The following CLCA1 variants were observed in gnomAD, a reference collection of about 807,000 sequenced individuals.
The protein encoded by CLCA1 is calcium-activated chloride channel regulator 1.
Under a neutral mutation model 85.6 loss-of-function variants are expected in CLCA1, and 59 were observed. The observed-to-expected ratio is 0.69, with a 90% CI of 0.56 to 0.86. The LOEUF is 0.86. Ranked by LOEUF, CLCA1 falls within the 40% of genes least tolerant of loss-of-function variation. The pLI is 0.00. For synonymous variants in CLCA1, 396 were observed against 398.3 expected (o/e 0.99, Z 0.07); for missense variants, 1,022 against 1,101.4 (o/e 0.93, Z 1.02).
At chr1:86,480,025 A>T (rs1647775755) in intron 4 of CLCA1, among the ~76,000 whole-genome samples, 1 of 152,214 alleles carries the variant, frequency 6.6e-6, no homozygotes, top group African/African-American at 2.4e-5. Context: ...TGTGGGGAAA[A>T]AATTAACAGA....
intron 4 of CLCA1, among the ~76,000 whole-genome samples, chr1:86,479,456 C>T (rs992021777): frequency 1.3e-5 from 2 of 152,198 alleles, no homozygotes; most frequent in South Asian, 2.1e-4. Context: ...ATCAAAAGTA[C>T]ATCAATTTTT....
intron 12 of CLCA1, among the ~76,000 whole-genome samples, chr1:86,497,641 AACCCT>A (rs1289478772): frequency 2.6e-5 from 4 of 152,220 alleles, no homozygotes; most frequent in Non-Finnish European, 5.9e-5. Context: ...AAAATTTTGG[AACCCT>A]AACATAAAAC....
intron 7 of CLCA1, among the ~76,000 whole-genome samples, chr1:86,487,880 A>G (rs1648024004): frequency 6.6e-6 from 1 of 152,174 alleles, no homozygotes; most frequent in African/African-American, 2.4e-5. Context: ...TTTCCATGAC[A>G]CACAGCAGTT....
intron 4 of CLCA1, among the ~76,000 whole-genome samples, chr1:86,477,508 A>C (rs921685511): frequency 3.9e-5 from 6 of 152,368 alleles, no homozygotes; most frequent in East Asian, 1.9e-4. Context: ...GCTTTAGTGC[A>C]AACAGAAGTG....
At chr1:86,473,966 T>C in intron 3 of CLCA1, 90 bp downstream of exon 3, 1 of 884,986 alleles carries the variant, frequency 1.1e-6, no homozygotes, top group South Asian at 3.5e-5. Flanking sequence ...TGAGTAAGCA[T>C]GTATAAGCCA....
At position 86,495,585 on chromosome 1, in the gene CLCA1, G is replaced by A; in HGVS notation, c.2023G>A (p.Val675Met). Residue 675 changes from valine (V) to methionine (M), a missense_variant, in exon 12 of 14, where the codon GTG (valine) becomes ATG (methionine). Coordinates refer to ENST00000394711, the MANE Select transcript of CLCA1 (RefSeq NM_001285.4). ...CACGAATGGTAGATACAGTGTAAAA[G>A]TGCGGGCTCTGGGAGGAGTTAACGC... Reference protein sequence around the residue: ...YDTNGRYSVKVRALGGVNAAR... With the variant: ...YDTNGRYSVKMRALGGVNAAR... The A allele has an allele frequency of 1.9e-6, 3 of 1,614,144 alleles. No homozygotes were observed. Among genetic ancestry groups the A allele is most frequent in the Non-Finnish European group, 2.5e-6 (3 of 1,179,988 alleles).
chr1:86,471,739 G>A (rs1474231398), intron 1 of CLCA1, among the ~76,000 whole-genome samples: 1 of 152,088 alleles, frequency 6.6e-6, no homozygotes, highest in African/African-American at 2.4e-5. Flanking sequence ...AGGAGAAAAT[G>A]TAAATCATTA....
At chr1:86,483,654 C>T (rs1373054722) in intron 5 of CLCA1, among the ~76,000 whole-genome samples, 2 of 152,040 alleles carry the variant, frequency 1.3e-5, no homozygotes, top group Admixed American at 6.6e-5. Context: ...CATTTATTTC[C>T]TGCATAATAA....
intron 1 of CLCA1, 72 bp downstream of exon 1, chr1:86,469,205 C>A: frequency 9.4e-7 from 1 of 1,061,456 alleles, no homozygotes; most frequent in Non-Finnish European, 1.4e-6. Context: ...CATGAGTGCC[C>A]TATTCCAGCT....
intron 6 of CLCA1, among the ~76,000 whole-genome samples, chr1:86,486,084 T>A (rs1647959409): frequency 6.6e-6 from 1 of 150,798 alleles, no homozygotes; most frequent in East Asian, 2.0e-4. Context: ...TATAAAACCA[T>A]CAGATCTCGT....
rs781153971 is a variant in CLCA1, at chr1:86,498,827, T to C, written c.2353+16T>C. On this transcript the variant is annotated intron_variant, in intron 13 of 13. Transcript: ENST00000394711. ...CATGGAACAGGTAAGCTGAACCTGG[T>C]GTGGACCCTGTAAAAGAGTTTACCA... 2 of 1,605,866 alleles carry C rather than the reference T, an allele frequency of 1.2e-6. No homozygotes were observed. The highest frequency in any genetic ancestry group is 3.4e-5 in the Admixed American group (2 of 59,368).
intron 4 of CLCA1, among the ~76,000 whole-genome samples, chr1:86,479,400 G>T (rs952301597): frequency 2.6e-5 from 4 of 152,040 alleles, no homozygotes; most frequent in Admixed American, 1.3e-4. Context: ...ATTCATGGAA[G>T]ATATAAACGC....
chr1:86,474,570 G>A (rs1647596513), intron 3 of CLCA1, among the ~76,000 whole-genome samples: 1 of 151,524 alleles, frequency 6.6e-6, no homozygotes, highest in Non-Finnish European at 1.5e-5. Context: ...AAAAAAAGGG[G>A]GGGGATTCTC....
chr1:86,478,272 A>G (rs1253137559), intron 4 of CLCA1, among the ~76,000 whole-genome samples: 1 of 152,046 alleles, frequency 6.6e-6, no homozygotes, highest in Non-Finnish European at 1.5e-5. Flanking sequence ...TAAAAATACA[A>G]AAAAATTGGC....
At chr1:86,485,246 A>G in intron 5 of CLCA1, 97 bp from the exon 6 acceptor site, 1 of 894,768 alleles carries the variant, frequency 1.1e-6, no homozygotes. Flanking sequence ...CAATTGAGCC[A>G]AGGTTATGCA....
At chr1:86,490,986 G>T (rs921087059) in intron 8 of CLCA1, among the ~76,000 whole-genome samples, 2 of 151,640 alleles carry the variant, frequency 1.3e-5, no homozygotes, top group African/African-American at 4.9e-5. Context: ...GAGGTAGGAA[G>T]ATCGCTTGAG....
chr1:86,472,865 G>C (rs1647542131), intron 1 of CLCA1, among the ~76,000 whole-genome samples: 1 of 152,066 alleles, frequency 6.6e-6, no homozygotes, highest in African/African-American at 2.4e-5. Context: ...ATTATTACAG[G>C]AGTCAGCAGG....
chr1:86,484,858 T>C (rs1647920232), intron 5 of CLCA1, among the ~76,000 whole-genome samples: 1 of 151,948 alleles, frequency 6.6e-6, no homozygotes, highest in Non-Finnish European at 1.5e-5. Context: ...AGAAAAGTGA[T>C]AAGGTCAATA....
intron 10 of CLCA1, 29 bp from the exon 11 acceptor site, chr1:86,494,158 T>A (rs201770615): frequency 2.7e-5 from 44 of 1,611,218 alleles, no homozygotes; most frequent in Middle Eastern, 3.3e-4. Flanking sequence ...AAGTTATTCA[T>A]TGGAAATGTT....
Sources: gnomAD v4.1 joint callset for allele counts (sites outside exome capture counted in the v4.1 genomes callset) on GRCh38, gnomAD v4.1.1 for gene constraint, MANE v1.5 for transcripts, NCBI Gene and HGNC (gene_info 2026-07-23, HGNC 2026-07-21) for gene names.